The following ZNF675 variants were observed in gnomAD, a reference collection of about 807,000 sequenced individuals.
ZNF675 encodes zinc finger protein 675, also known as TRAF6 inhibitory zinc finger.
ZNF675 carries 36 observed loss-of-function variants against 56.1 expected under a neutral mutation model. The observed-to-expected ratio is 0.64, with a 90% CI of 0.49 to 0.85. The LOEUF (loss-of-function observed/expected upper bound fraction) is 0.85, where lower values mean the gene tolerates loss of function less well. Among genes scored for constraint, ZNF675 ranks in the 40% least tolerant of loss-of-function variants. The pLI is 0.00. For synonymous variants in ZNF675, 200 were observed against 218.9 expected, an observed-to-expected ratio of 0.91 and a Z score of 0.76; for missense variants, 663 against 654.2, an observed-to-expected ratio of 1.01 and a Z score of -0.15.
chr19:23,653,118 T>C lies in ZNF675; in HGVS notation c.*108A>G, dbSNP rs1967932160. On this transcript the variant is annotated 3_prime_UTR_variant, in exon 4 of 4. Coordinates refer to ENST00000359788, the MANE Select transcript of ZNF675 (RefSeq NM_138330.3). ...ATGAATTATCTTACATACAATGAAG[T>C]GTGAAAACCATTTAAAGTCTTTGAC... The C allele has an allele frequency of 9.7e-7, 1 of 1,028,860 alleles. No homozygotes were observed. The highest frequency in any genetic ancestry group is 2.5e-5 in the East Asian group (1 of 39,572). The allele number at this position is 1,028,860 out of a possible 1,614,324, so 63.7% of individuals were successfully genotyped here. A position where few individuals can be genotyped will look rare whatever the true frequency, so the allele number is the denominator to read the frequency against.
At chr19:23,666,825 G>A (rs1316940990) in intron 1 of ZNF675, among the ~76,000 whole-genome samples, 1 of 150,340 alleles carries the variant, frequency 6.7e-6, no homozygotes, top group Non-Finnish European at 1.5e-5. Context: ...CCCAACCCAG[G>A]GCCACTTTTT....
intron 1 of ZNF675, among the ~76,000 whole-genome samples, 176 bp from the exon 2 acceptor site, chr19:23,663,334 T>C (rs1249757546): frequency 1.3e-5 from 2 of 152,164 alleles, no homozygotes; most frequent in Non-Finnish European, 2.9e-5. Context: ...TCTCTAACCC[T>C]GAGAAAACAG....
At chr19:23,671,642 G>A (rs1367217185) in intron 1 of ZNF675, among the ~76,000 whole-genome samples, 1 of 151,708 alleles carries the variant, frequency 6.6e-6, no homozygotes, top group South Asian at 2.1e-4. Flanking sequence ...AGGGGCCTGG[G>A]ATCTTCCTCA....
Position 23,686,932 on chromosome 19 carries a change from G to T in ZNF675, c.3+99C>A, listed in dbSNP as rs544368113. ...AGGAGAACTCGGGGTGCAGATTGTG[G>T]AGCTGACTGCGGGGAGGCCTGAGTC... On this transcript the variant is annotated intron_variant, in intron 1 of 3. Coordinates refer to ENST00000359788, the MANE Select transcript of ZNF675 (RefSeq NM_138330.3). 3 of 1,433,430 alleles carry T rather than the reference G, an allele frequency of 2.1e-6. No homozygotes were observed. In the African/African-American group the frequency reaches 4.2e-5, roughly 20 times the overall value. The allele number at this position is 1,433,430 out of a possible 1,614,324, so 88.8% of individuals were successfully genotyped here.
At chr19:23,662,921 T>C (rs1968098802) in intron 2 of ZNF675, 111 bp downstream of exon 2, 1 of 993,378 alleles carries the variant, frequency 1.0e-6, no homozygotes, top group Non-Finnish European at 1.4e-6. Context: ...GAGGCGGAGG[T>C]TGCAGTGAGC....
intron 1 of ZNF675, among the ~76,000 whole-genome samples, chr19:23,667,147 C>A (rs1968162688): frequency 6.6e-6 from 1 of 151,670 alleles, no homozygotes; most frequent in South Asian, 2.1e-4. Context: ...AAGCTGCAGA[C>A]CTTCGCGGTG....
chr19:23,676,759 C>T (rs1968299914), intron 1 of ZNF675, among the ~76,000 whole-genome samples: 1 of 151,782 alleles, frequency 6.6e-6, no homozygotes, highest in Admixed American at 6.6e-5. Flanking sequence ...ATACAAGTTG[C>T]AAACATTTTT....
At chr19:23,679,712 A>T (rs7255355) in intron 1 of ZNF675, among the ~76,000 whole-genome samples, 1 of 150,830 alleles carries the variant, frequency 6.6e-6, no homozygotes, top group South Asian at 2.1e-4. Flanking sequence ...GCCAGGCACC[A>T]CAACCTACTT....
Position 23,654,830 on chromosome 19 carries a change from G to A in ZNF675, c.227-124C>T, listed in dbSNP as rs1967960632. 9 of 716,484 alleles carry A rather than the reference G, an allele frequency of 1.3e-5. 1 individual carries two copies. Among genetic ancestry groups the A allele is most frequent in the Non-Finnish European group, 1.9e-5 (9 of 467,926 alleles). 44.4% of individuals were successfully genotyped at this position (716,484 alleles called of 1,614,324 possible). On this transcript the variant is annotated intron_variant, in intron 3 of 3. Transcript: ENST00000359788. ...CACCACAGGCCATAATTAAGTGTAT[G>A]TGTTGCCCCAGGTGAGCACAATGCA...
intron 3 of ZNF675, among the ~76,000 whole-genome samples, chr19:23,658,944 T>G (rs569326439): frequency 6.9e-4 from 30 of 43,510 alleles, no homozygotes; most frequent in Non-Finnish European, 1.5e-3. Flanking sequence ...TCTATAGATA[T>G]AGATCTCTAG....
chr19:23,663,730 AATT>A (rs1235464724), intron 1 of ZNF675, among the ~76,000 whole-genome samples: 1 of 152,164 alleles, frequency 6.6e-6, no homozygotes, highest in African/African-American at 2.4e-5. Context: ...AAAAATACAT[AATT>A]AAGGGCATAA....
At chr19:23,678,559 ATTC>A (rs1411439801) in intron 1 of ZNF675, among the ~76,000 whole-genome samples, 7 of 96,278 alleles carry the variant, frequency 7.3e-5, no homozygotes, top group African/African-American at 2.2e-4. Context: ...CCTCAAAAAT[ATTC>A]TTAACTTAAA....
Position 23,687,207 on chromosome 19 carries a change from T to C in ZNF675, c.-174A>G. The stretch of plus-strand genomic sequence containing the variant: ...GCGCCGCCAAATCCCGGAAGCCATC[T>C]TGTCTGCTCCAGCTGCGTGCCTGAT... On this transcript the variant is annotated 5_prime_UTR_variant, in exon 1 of 4. Coordinates refer to ENST00000359788, the MANE Select transcript of ZNF675 (RefSeq NM_138330.3). The C allele has an allele frequency of 1.4e-6, 1 of 725,376 alleles. No homozygotes were observed. The highest frequency in any genetic ancestry group is 2.6e-5 in the Admixed American group (1 of 39,024). The allele number at this position is 725,376 out of a possible 1,614,324, so 44.9% of individuals were successfully genotyped here.
chr19:23,686,879 G>A (rs954402620), intron 1 of ZNF675, 152 bp downstream of exon 1: 4 of 915,424 alleles, frequency 4.4e-6, no homozygotes, highest in Non-Finnish European at 7.0e-6. Flanking sequence ...CCATCTTATG[G>A]CTGCAGGGGA....
chr19:23,659,222 A>G (rs1023471179), intron 3 of ZNF675, among the ~76,000 whole-genome samples: 11 of 152,254 alleles, frequency 7.2e-5, no homozygotes, highest in Middle Eastern at 3.4e-3. Context: ...TTTACTTTAG[A>G]CATTACATGT....
chr19:23,666,260 T>TA (rs1192225728), intron 1 of ZNF675, among the ~76,000 whole-genome samples: 1 of 152,254 alleles, frequency 6.6e-6, no homozygotes, highest in Non-Finnish European at 1.5e-5. Flanking sequence ...GCTGAGTCTC[T>TA]ATTTGAATAA....
chr19:23,686,922 G>A (rs1968450488), intron 1 of ZNF675, 109 bp downstream of exon 1: 6 of 1,341,634 alleles, frequency 4.5e-6, no homozygotes, highest in South Asian at 1.2e-5. Context: ...AACTCGGGGT[G>A]CAGATTGTGG....
intron 3 of ZNF675, among the ~76,000 whole-genome samples, chr19:23,660,538 T>C (rs138519090): frequency 4.1e-4 from 62 of 152,180 alleles, no homozygotes; most frequent in African/African-American, 1.3e-3. Flanking sequence ...AAAACTAACA[T>C]ACAAGTTAGG....
chr19:23,687,178 A>G lies in ZNF675; in HGVS notation c.-145T>C. On this transcript the variant is annotated 5_prime_UTR_variant, in exon 1 of 4. Coordinates refer to ENST00000359788, the MANE Select transcript of ZNF675 (RefSeq NM_138330.3). ...TGGAGCTCCGGCTGCAGCGAGAGAC[A>G]AAGGCGCCGCCAAATCCCGGAAGCC... 1.0e-6 allele frequency: 1 copy of G among 998,650 alleles called. No homozygotes were observed. Among genetic ancestry groups the G allele is most frequent in the Non-Finnish European group, 1.5e-6 (1 of 651,846 alleles). The allele number at this position is 998,650 out of a possible 1,614,324, so 61.9% of individuals were successfully genotyped here.
Sources: gnomAD v4.1 joint callset for allele counts (sites outside exome capture counted in the v4.1 genomes callset) on GRCh38, gnomAD v4.1.1 for gene constraint, MANE v1.5 for transcripts, NCBI Gene and HGNC (gene_info 2026-07-23, HGNC 2026-07-21) for gene names.